DENND5B: variants seen among roughly 807,000 people sequenced by gnomAD.
DENND5B encodes DENN domain containing 5B, also known as DENN domain-containing protein 5B.
DENND5B carries 34 observed loss-of-function variants against 140.6 expected under a neutral mutation model. The ratio of observed to expected loss-of-function variants is 0.24; its 90% CI spans 0.18 to 0.32. The LOEUF is 0.32. DENND5B is among the 10% of genes least tolerant of loss of function. The pLI is 1.00. For synonymous variants in DENND5B, 551 were observed against 562.1 expected (o/e 0.98, Z 0.28); for missense variants, 1,142 against 1,560.2 (o/e 0.73, Z 4.52).
At chr12:31,558,364 A>T (rs1291009931) in intron 1 of DENND5B, among the ~76,000 whole-genome samples, 1 of 152,058 alleles carries the variant, frequency 6.6e-6, no homozygotes, top group Non-Finnish European at 1.5e-5. Flanking sequence ...TTGTTCCATG[A>T]AAGATTATTA....
chr12:31,428,688 G>A (rs962275396), intron 8 of DENND5B, among the ~76,000 whole-genome samples: 4 of 151,006 alleles, frequency 2.6e-5, no homozygotes, highest in African/African-American at 4.9e-5. Context: ...CTGCCTCAGC[G>A]TCCTGAGTAG....
At chr12:31,501,178 T>C (rs927191635) in intron 1 of DENND5B, among the ~76,000 whole-genome samples, 2 of 152,202 alleles carry the variant, frequency 1.3e-5, no homozygotes, top group East Asian at 1.9e-4. Context: ...TGAGAAGTAA[T>C]TGAATTATGG....
chr12:31,556,701 T>C (rs1451445851), intron 1 of DENND5B, among the ~76,000 whole-genome samples: 1 of 152,160 alleles, frequency 6.6e-6, no homozygotes, highest in African/African-American at 2.4e-5. Context: ...AAGAAACCTA[T>C]TGTTTACAGA....
At chr12:31,497,122 T>C (rs1443706993) in intron 1 of DENND5B, among the ~76,000 whole-genome samples, 18 of 151,612 alleles carry the variant, frequency 1.2e-4, no homozygotes, top group Admixed American at 1.2e-3. Context: ...AAAAACCACC[T>C]TGGAATGCAA....
At chr12:31,568,859 A>G in intron 1 of DENND5B, among the ~76,000 whole-genome samples, 1 of 152,008 alleles carries the variant, frequency 6.6e-6, no homozygotes, top group East Asian at 1.9e-4. Flanking sequence ...GGCTGATTCA[A>G]CCTCTTTTCC....
intron 5 of DENND5B, among the ~76,000 whole-genome samples, chr12:31,449,972 T>C (rs1473160235): frequency 6.6e-6 from 1 of 152,014 alleles, no homozygotes; most frequent in Non-Finnish European, 1.5e-5. Context: ...ACCTTGTGAT[T>C]CGCCCGCCTC....
At chr12:31,457,762 G>A (rs530491141) in intron 4 of DENND5B, among the ~76,000 whole-genome samples, 1 of 150,816 alleles carries the variant, frequency 6.6e-6, no homozygotes, top group South Asian at 2.1e-4. Context: ...CGCCCAGGCT[G>A]GAGTGCAGTG....
intron 1 of DENND5B, among the ~76,000 whole-genome samples, chr12:31,574,246 G>A (rs1057103327): frequency 8.1e-6 from 1 of 123,114 alleles, no homozygotes; most frequent in African/African-American, 3.1e-5. Context: ...ATGGGTGAGA[G>A]AATGAGACCC....
intron 1 of DENND5B, among the ~76,000 whole-genome samples, chr12:31,501,746 CT>C (rs1947011809): frequency 7.3e-6 from 1 of 137,540 alleles, no homozygotes; most frequent in Admixed American, 8.2e-5. Context: ...GCACTCCAGC[CT>C]GGGCAACAAG....
chr12:31,389,621 A>G lies in DENND5B; in HGVS notation c.3467-123T>C, dbSNP rs969866277. 53 of 858,302 alleles carry G rather than the reference A, an allele frequency of 6.2e-5. No homozygotes were observed. In the Admixed American group the frequency reaches 1.3e-3, roughly 21 times the overall value. 53.2% of individuals were successfully genotyped at this position (858,302 alleles called of 1,614,324 possible). A position where few individuals can be genotyped will look rare whatever the true frequency, so the allele number is the denominator to read the frequency against. ...TTGCATACAGTCAGTCCTGAAGCCA[A>G]TATCATTACTTTATCATTGATTTTA... On this transcript the variant is annotated intron_variant, in intron 19 of 20. Transcript: ENST00000389082.
intron 1 of DENND5B, among the ~76,000 whole-genome samples, chr12:31,539,484 T>C (rs1040397270): frequency 6.6e-6 from 1 of 152,036 alleles, no homozygotes; most frequent in Non-Finnish European, 1.5e-5. Flanking sequence ...CTCAACAAAA[T>C]ACTAGCAAAC....
intron 2 of DENND5B, among the ~76,000 whole-genome samples, chr12:31,485,584 C>A (rs978865583): frequency 2.6e-4 from 40 of 152,326 alleles, no homozygotes; most frequent in African/African-American, 9.1e-4. Context: ...TGTTCCAACA[C>A]AATTTTATTT....
At chr12:31,420,973 C>T (rs1593120546) in intron 11 of DENND5B, among the ~76,000 whole-genome samples, 1 of 152,174 alleles carries the variant, frequency 6.6e-6, no homozygotes, top group East Asian at 1.9e-4. Flanking sequence ...CTTCTGAAGA[C>T]TCATGATAAT....
chr12:31,548,335 C>A (rs1716193), intron 1 of DENND5B, among the ~76,000 whole-genome samples: 11,805 of 150,018 alleles, frequency 0.079, 1,052 homozygotes, highest in African/African-American at 0.22. Flanking sequence ...TCAAGGCTGC[C>A]GTGAGCTGTG....
chr12:31,415,958 C>T (rs1030547430), intron 11 of DENND5B, among the ~76,000 whole-genome samples: 1 of 152,060 alleles, frequency 6.6e-6, no homozygotes, highest in Non-Finnish European at 1.5e-5. Flanking sequence ...GCCTCAGTCT[C>T]CCGAGTAGCT....
intron 11 of DENND5B, among the ~76,000 whole-genome samples, chr12:31,419,263 C>T (rs755084188): frequency 2.0e-5 from 3 of 152,142 alleles, no homozygotes; most frequent in African/African-American, 2.4e-5. Flanking sequence ...TTCTTGGCTA[C>T]GAGAATTTGC....
At chr12:31,422,785 C>T (rs1943086712) in intron 11 of DENND5B, among the ~76,000 whole-genome samples, 1 of 152,004 alleles carries the variant, frequency 6.6e-6, no homozygotes, top group Non-Finnish European at 1.5e-5. Context: ...GTAGGTAGAA[C>T]ACTTAGCTTA....
chr12:31,573,194 T>C (rs1949883345), intron 1 of DENND5B, among the ~76,000 whole-genome samples: 1 of 152,202 alleles, frequency 6.6e-6, no homozygotes, highest in Non-Finnish European at 1.5e-5. Flanking sequence ...TTAAAAAATA[T>C]TCAATTGTGT....
intron 1 of DENND5B, among the ~76,000 whole-genome samples, chr12:31,547,185 T>C (rs986138924): frequency 6.6e-6 from 1 of 152,206 alleles, no homozygotes; most frequent in Non-Finnish European, 1.5e-5. Flanking sequence ...TTTTTTTACA[T>C]ACACATTGTT....
Sources: gnomAD v4.1 joint callset for allele counts (sites outside exome capture counted in the v4.1 genomes callset) on GRCh38, gnomAD v4.1.1 for gene constraint, MANE v1.5 for transcripts, NCBI Gene and HGNC (gene_info 2026-07-23, HGNC 2026-07-21) for gene names.